The following TPPP2 variants were observed in gnomAD, a reference collection of about 807,000 sequenced individuals.
TPPP2 encodes tubulin polymerization promoting protein family member 2.
A neutral mutation model predicts 13.0 loss-of-function variants in TPPP2; 8 were observed. The observed-to-expected ratio is 0.62, with a 90% confidence interval of 0.36 to 1.11. TPPP2 has a LOEUF of 1.11. TPPP2 is among the 50% of genes most tolerant of loss of function. The probability of loss-of-function intolerance (pLI) is 0.02; values close to 1 mark genes in which losing one functional copy is unlikely to be tolerated. For synonymous variants in TPPP2, 81 were observed against 81.8 expected, an observed-to-expected ratio of 0.99 and a Z score of 0.05; for missense variants, 213 against 216.9, an observed-to-expected ratio of 0.98 and a Z score of 0.11.
chr14:21,033,163 A>G (rs1013380853), downstream of TPPP2: 4 of 372,698 alleles, frequency 1.1e-5, no homozygotes, highest in African/African-American at 8.5e-5. Context: ...AGGCAGGGTG[A>G]CTACGGTTGT....
exon 1 of TPPP2, chr14:21,024,301 C>T: frequency 1.0e-6 from 1 of 985,474 alleles, no homozygotes; most frequent in Non-Finnish European, 1.2e-6. Context: ...ACAAGGGCAT[C>T]AGTTCAGGCT....
At chr14:21,030,937 G>A (rs1243885099) in intron 2 of TPPP2, 75 bp from the exon 3 acceptor site, 17 of 1,545,412 alleles carry the variant, frequency 1.1e-5, no homozygotes, top group South Asian at 8.9e-5. Context: ...CCAAATCTGA[G>A]TGAGGCAAGA....
At chr14:21,029,002 C>A (rs1883882874), upstream of TPPP2, 1 of 152,174 alleles carries the variant, frequency 6.6e-6, no homozygotes, top group African/African-American at 2.4e-5. Flanking sequence ...AGAGAGAAAA[C>A]CCTGAGGAAC....
intron 3 of TPPP2, 43 bp from the exon 4 acceptor site, chr14:21,031,849 C>T (rs375585553): frequency 1.7e-4 from 263 of 1,591,706 alleles, no homozygotes; most frequent in Middle Eastern, 5.0e-4. Context: ...GATATGACAG[C>T]GTAAGGAAAG....
At chr14:21,034,144 G>A (rs200195659), downstream of TPPP2, 19 of 1,614,142 alleles carry the variant, frequency 1.2e-5, no homozygotes, top group African/African-American at 8.0e-5. Flanking sequence ...CAATAGCCCC[G>A]GAAACCCTTT....
chr14:21,025,316 G>A (rs955153254), upstream of TPPP2: 18 of 959,708 alleles, frequency 1.9e-5, no homozygotes, highest in African/African-American at 3.5e-5. The surrounding 1 kb of genome is among the most constrained non-coding windows in gnomAD (Gnocchi z 5.1). Flanking sequence ...CCCGCATTGG[G>A]GCGGTGTGGG....
At chr14:21,034,087 A>G, downstream of TPPP2, 1 of 1,614,198 alleles carries the variant, frequency 6.2e-7, no homozygotes, top group South Asian at 1.1e-5. Context: ...ATCTTTGGGC[A>G]ATCTGAATTT....
chr14:21,030,497 C>T lies in TPPP2; in HGVS notation c.-69-16C>T, dbSNP rs1034114142. ...TGACTGATTTTACCATAACACTCAT[C>T]CTCATTACTCCACAGTCCTCCCTCC... On this transcript the variant is annotated splice_polypyrimidine_tract_variant and intron_variant, in intron 1 of 3. Coordinates refer to ENST00000321760, the MANE Select transcript of TPPP2 (RefSeq NM_173846.5). 1.0e-5 allele frequency: 14 copies of T among 1,395,030 alleles called. No individual in the cohort carries two copies. Among genetic ancestry groups the T allele is most frequent in the Non-Finnish European group, 1.2e-5 (12 of 1,017,734 alleles). The allele number at this position is 1,395,030 out of a possible 1,614,324, so 86.4% of individuals were successfully genotyped here.
chr14:21,032,128 C>T lies in TPPP2; in HGVS notation c.*51C>T, dbSNP rs1466214170. On this transcript the variant is annotated 3_prime_UTR_variant, in exon 4 of 4. Coordinates refer to ENST00000321760, the MANE Select transcript of TPPP2 (RefSeq NM_173846.5). ...GCCCCCTGACCCTGCATGTTTAACACCAGGGAGCTTGGAAAACAATAAACA... is the reference window on the plus strand; with the variant it reads ...GCCCCCTGACCCTGCATGTTTAACATCAGGGAGCTTGGAAAACAATAAACA... 6.4e-7 allele frequency: 1 copy of T among 1,559,496 alleles called. No homozygotes were observed.
At chr14:21,024,488 A>C (rs1229814038) in intron 1 of TPPP2, 1 of 983,782 alleles carries the variant, frequency 1.0e-6, no homozygotes, top group Non-Finnish European at 1.2e-6. Context: ...GGGGATCCCC[A>C]AAATTTTTGA....
At chr14:21,033,721 C>G, downstream of TPPP2, 1 of 903,340 alleles carries the variant, frequency 1.1e-6, no homozygotes, top group South Asian at 1.3e-5. Flanking sequence ...CCCTGCCTGC[C>G]TCGTAAGTCA....
At position 21,031,165 on chromosome 14, in the gene TPPP2, TGTGA is replaced by T. The variant is rs758754783; in HGVS notation, c.327+5_327+8del. The stretch of plus-strand genomic sequence containing the variant: ...AAGACCCAGCCACCACTGGCGCTAC[TGTGA>T]GTGACAGCCTTCATCCCCTTGACCC... On this transcript the variant is annotated splice_donor_variant and splice_donor_region_variant and intron_variant, in intron 3 of 3. Transcript: ENST00000321760. LOFTEE classifies it high-confidence loss of function. 13 of 1,613,376 alleles carry T rather than the reference TGTGA, an allele frequency of 8.1e-6. No homozygotes were observed. In the South Asian group the frequency reaches 8.8e-5, roughly 11 times the overall value.
chr14:21,026,412 C>T (rs1883633912), upstream of TPPP2, among the ~76,000 whole-genome samples: 1 of 151,348 alleles, frequency 6.6e-6, no homozygotes, highest in South Asian at 2.1e-4. Context: ...GGAACAATGG[C>T]CAATGGAACT....
chr14:21,034,688 A>G (rs1884501113), downstream of TPPP2: 2 of 191,174 alleles, frequency 1.0e-5, no homozygotes, highest in Non-Finnish European at 1.1e-5. Context: ...GAGGAAGGAC[A>G]GGAGCTGAAG....
chr14:21,024,638 G>C (rs1882774754), intron 1 of TPPP2: 14 of 984,094 alleles, frequency 1.4e-5, no homozygotes, highest in Non-Finnish European at 1.7e-5. Flanking sequence ...AGGGAGAGGA[G>C]AGCGGTCCCA....
chr14:21,030,248 G>T lies in TPPP2; in HGVS notation c.-126G>T. On this transcript the variant is annotated 5_prime_UTR_variant, in exon 1 of 4. Transcript: ENST00000321760. ...ACAGCCAACCGGCTCCCACATATCT[G>T]CACACACTTAAATACAAAGGCCGGG... The T allele has an allele frequency of 4.0e-6, 1 of 251,542 alleles. No individual in the cohort carries two copies. The highest frequency in any genetic ancestry group is 7.7e-6 in the Non-Finnish European group (1 of 129,044). The allele number at this position is 251,542 out of a possible 1,614,324, so 15.6% of individuals were successfully genotyped here. A position where few individuals can be genotyped will look rare whatever the true frequency, so the allele number is the denominator to read the frequency against.
At chr14:21,034,076 G>T (rs1884444729), downstream of TPPP2, 1 of 1,614,166 alleles carries the variant, frequency 6.2e-7, no homozygotes, top group Admixed American at 1.7e-5. Context: ...TCACATAATG[G>T]ATCTTTGGGC....
Position 21,032,165 on chromosome 14 carries a change from A to G in TPPP2, c.*88A>G. On this transcript the variant is annotated 3_prime_UTR_variant, in exon 4 of 4. Transcript: ENST00000321760. ...GAAAACAATAAACATCTGTGTGTGC[A>G]GCAGCCAAAATCTCTGTCTGTGAGG... 7.3e-7 allele frequency: 1 copy of G among 1,372,932 alleles called. No homozygotes were observed. Among genetic ancestry groups the G allele is most frequent in the South Asian group, 1.2e-5 (1 of 83,136 alleles). The allele number at this position is 1,372,932 out of a possible 1,614,324, so 85.0% of individuals were successfully genotyped here.
In TPPP2 at chr14:21,031,173, A is replaced by G; in HGVS notation, c.327+8A>G. 1 of 1,612,874 alleles carries G rather than the reference A, an allele frequency of 6.2e-7. No individual in the cohort carries two copies. On this transcript the variant is annotated splice_region_variant and intron_variant, in intron 3 of 3. Transcript: ENST00000321760. ...GCCACCACTGGCGCTACTGTGAGTG[A>G]CAGCCTTCATCCCCTTGACCCTACT...
Sources: allele counts gnomAD v4.1 joint callset (sites outside exome capture counted in the v4.1 genomes callset), GRCh38; gene constraint gnomAD v4.1.1; non-coding constraint Gnocchi (gnomAD v3.1); transcripts MANE v1.5; gene names NCBI Gene and HGNC (gene_info 2026-07-23, HGNC 2026-07-21).